BAZ2B: variants seen among roughly 807,000 people sequenced by gnomAD.
BAZ2B encodes bromodomain adjacent to zinc finger domain 2B, also known as bromodomain adjacent to zinc finger domain protein 2B.
Under a neutral mutation model 246.0 loss-of-function variants are expected in BAZ2B, and 91 were observed. The ratio of observed to expected loss-of-function variants is 0.37; its 90% CI spans 0.31 to 0.44. BAZ2B has a LOEUF of 0.44. Among genes scored for constraint, BAZ2B ranks in the 20% least tolerant of loss-of-function variants. BAZ2B has a pLI of 1.00. For synonymous variants in BAZ2B, 855 were observed against 860.0 expected, an observed-to-expected ratio of 0.99 and a Z score of 0.10; for missense variants, 2,332 against 2,533.7, an observed-to-expected ratio of 0.92 and a Z score of 1.71.
intron 2 of BAZ2B, among the ~76,000 whole-genome samples, chr2:159,515,053 A>AT (rs1280379971): frequency 1.3e-5 from 2 of 151,930 alleles, no homozygotes; most frequent in East Asian, 3.9e-4. Flanking sequence ...ACATTATCCC[A>AT]TTTTTTAACA....
intron 2 of BAZ2B, among the ~76,000 whole-genome samples, chr2:159,516,908 GC>G (rs2083493766): frequency 1.3e-5 from 2 of 152,056 alleles, no homozygotes; most frequent in African/African-American, 4.8e-5. Context: ...ATCACTTCTG[GC>G]AGATAAACTA....
At chr2:159,691,885 A>G in the BAZ2B span, among the ~76,000 whole-genome samples, 1 of 152,238 alleles carries the variant, frequency 6.6e-6, no homozygotes, top group Admixed American at 6.5e-5. Context: ...TGAGCTCACC[A>G]CAATAGCAAT....
chr2:159,507,996 G>A (rs1376422317), intron 2 of BAZ2B, among the ~76,000 whole-genome samples: 2 of 152,126 alleles, frequency 1.3e-5, no homozygotes, highest in African/African-American at 4.8e-5. Flanking sequence ...TCAGTTTCCC[G>A]ATTAGCTGGG....
intron 18 of BAZ2B, chr2:159,398,061 G>A (rs1018586729): frequency 2.0e-5 from 3 of 151,948 alleles, no homozygotes; most frequent in Admixed American, 6.6e-5. Context: ...GACATGAAAA[G>A]GTAGAAATTT....
rs1480003173 is a variant in BAZ2B, at chr2:159,348,833, T to C, written c.5138A>G (p.Glu1713Gly). 2 of 1,588,976 alleles carry C rather than the reference T, an allele frequency of 1.3e-6. No homozygotes were observed. Among genetic ancestry groups the C allele is most frequent in the East Asian group, 2.2e-5 (1 of 44,774 alleles). ...AATTCTCCACCAACCAAACTGCATT[T>C]CTAAGTCAAGATAAATAAGTAGAAC... ...DFPSPKPIPE[E>G]MQFGWWRIID... is the part of the protein sequence containing the mutation. The change falls in exon 30 of 37, where the codon GAA becomes GGA. Residue 1713 changes from glutamate (E) to glycine (G), a missense_variant and splice_region_variant. Glu to Gly is a moderately conservative substitution (Grantham distance 98, BLOSUM62 -2). Transcript: ENST00000392783.
At chr2:159,416,904 T>G (rs2067819353) in intron 13 of BAZ2B, among the ~76,000 whole-genome samples, 1 of 152,200 alleles carries the variant, frequency 6.6e-6, no homozygotes, top group Non-Finnish European at 1.5e-5. Flanking sequence ...AGAGCCAAAA[T>G]AATTGTGGGT....
chr2:159,343,751 G>A (rs1290197999), intron 31 of BAZ2B, among the ~76,000 whole-genome samples: 1 of 152,108 alleles, frequency 6.6e-6, no homozygotes, highest in Admixed American at 6.5e-5. Context: ...AAACGGCCGG[G>A]CGCCGTGGCT....
At chr2:159,690,529 T>C in the BAZ2B span, among the ~76,000 whole-genome samples, 1 of 152,184 alleles carries the variant, frequency 6.6e-6, no homozygotes, top group Non-Finnish European at 1.5e-5. Flanking sequence ...ATATATAAAA[T>C]ATTAATTTCT....
chr2:159,467,042 G>A (rs1232294054), intron 3 of BAZ2B, among the ~76,000 whole-genome samples: 1 of 152,126 alleles, frequency 6.6e-6, no homozygotes, highest in African/African-American at 2.4e-5. Flanking sequence ...GCATGAGGAA[G>A]AATCAGCTTT....
At chr2:159,545,117 T>C (rs898564470) in intron 2 of BAZ2B, among the ~76,000 whole-genome samples, 7 of 152,366 alleles carry the variant, frequency 4.6e-5, no homozygotes, top group African/African-American at 1.7e-4. Context: ...GAATGTTGTC[T>C]AGGCACTGTA....
intron 2 of BAZ2B, among the ~76,000 whole-genome samples, chr2:159,550,793 A>G (rs1192589182): frequency 6.6e-6 from 1 of 152,208 alleles, no homozygotes; most frequent in African/African-American, 2.4e-5. Context: ...TATCTCTACA[A>G]AATTTAAGTA....
At chr2:159,681,830 C>T in the BAZ2B span, among the ~76,000 whole-genome samples, 264 of 152,256 alleles carry the variant, frequency 1.7e-3, 2 homozygotes, top group African/African-American at 6.0e-3. Flanking sequence ...GAGGCTGAGG[C>T]AGGAGAATCA....
chr2:159,604,242 G>A (rs928542151), intron 1 of BAZ2B, among the ~76,000 whole-genome samples: 1 of 151,750 alleles, frequency 6.6e-6, no homozygotes, highest in Non-Finnish European at 1.5e-5. Context: ...TTCTCAAATA[G>A]TTTTTTTCCC....
chr2:159,337,165 A>C (rs1250761479), intron 32 of BAZ2B, 88 bp from the exon 33 acceptor site: 1 of 1,466,214 alleles, frequency 6.8e-7, no homozygotes, highest in African/African-American at 1.4e-5. Context: ...AAAGCCAAGC[A>C]ATGACAAAAA....
Position 159,390,179 on chromosome 2 carries a change from C to T in BAZ2B, c.3076-694G>A, listed in dbSNP as rs115411391. 6.8e-3 allele frequency among the ~76,000 whole-genome samples: 1,031 copies of T among 152,182 alleles called. 32 individuals are homozygous for T. In the East Asian group the frequency reaches 0.07, roughly 10 times the overall value. On this transcript the variant is annotated intron_variant, in intron 20 of 36. Transcript: ENST00000392783. Reference sequence around the variant, plus strand: ...TCATCAGTCAGTTCTAACCTACTACCGCACACGTGCCACACATTGCTAATT... The same window carrying T: ...TCATCAGTCAGTTCTAACCTACTACTGCACACGTGCCACACATTGCTAATT...
chr2:159,323,886 A>T (rs2063078024), intron 36 of BAZ2B, among the ~76,000 whole-genome samples: 1 of 152,144 alleles, frequency 6.6e-6, no homozygotes, highest in African/African-American at 2.4e-5. Context: ...AGTACCAATC[A>T]ATCATTTAAA....
At chr2:159,706,552 G>A in the BAZ2B span, among the ~76,000 whole-genome samples, 1 of 152,326 alleles carries the variant, frequency 6.6e-6, no homozygotes, top group East Asian at 1.9e-4. Flanking sequence ...GTTTGTGCAC[G>A]CACGCGTGCG....
At chr2:159,453,829 T>A (rs1199727651) in intron 3 of BAZ2B, 28 bp from the exon 4 acceptor site, 1 of 1,536,276 alleles carries the variant, frequency 6.5e-7, no homozygotes. Context: ...ACACTTAAAG[T>A]TGTACTATAA....
intron 25 of BAZ2B, among the ~76,000 whole-genome samples, chr2:159,379,985 T>A (rs551130201): frequency 6.6e-6 from 1 of 151,146 alleles, no homozygotes; most frequent in East Asian, 2.0e-4. Flanking sequence ...TGACTTATGG[T>A]AGCTTTCCCT....
Sources: gnomAD v4.1 joint callset for allele counts (sites outside exome capture counted in the v4.1 genomes callset) on GRCh38, gnomAD v4.1.1 for gene constraint, MANE v1.5 for transcripts, NCBI Gene and HGNC (gene_info 2026-07-23, HGNC 2026-07-21) for gene names.